Variants in PRDM5 observed in about 807,000 individuals in gnomAD.
The protein encoded by PRDM5 is PR domain zinc finger protein 5.
A neutral mutation model predicts 81.2 loss-of-function variants in PRDM5; 56 were observed. The ratio of observed to expected loss-of-function variants is 0.69; its 90% CI spans 0.56 to 0.86. The LOEUF (loss-of-function observed/expected upper bound fraction) is 0.86, where lower values mean the gene tolerates loss of function less well. Among genes scored for constraint, PRDM5 ranks in the 40% least tolerant of loss-of-function variants. PRDM5 has a pLI of 0.00. For synonymous variants in PRDM5, 267 were observed against 256.4 expected (o/e 1.04, Z -0.39); for missense variants, 697 against 770.1 (o/e 0.91, Z 1.12).
At chr4:120,830,423 T>A (rs1756570470) in intron 3 of PRDM5, among the ~76,000 whole-genome samples, 2 of 152,082 alleles carry the variant, frequency 1.3e-5, no homozygotes. Context: ...AGATGCCATG[T>A]GGAGCCAAGC....
intron 10 of PRDM5, among the ~76,000 whole-genome samples, chr4:120,791,936 C>T (rs1750637875): frequency 6.6e-6 from 1 of 152,164 alleles, no homozygotes; most frequent in African/African-American, 2.4e-5. Flanking sequence ...AGGAAGTGGG[C>T]CCTCACTAGA....
chr4:120,884,537 G>A (rs553509609), intron 2 of PRDM5, among the ~76,000 whole-genome samples: 17 of 152,226 alleles, frequency 1.1e-4, no homozygotes, highest in African/African-American at 3.4e-4. Flanking sequence ...TACAAATATT[G>A]GACTGCTTAC....
intron 14 of PRDM5, among the ~76,000 whole-genome samples, chr4:120,728,636 C>G (rs1739794577): frequency 6.6e-6 from 1 of 152,132 alleles, no homozygotes; most frequent in South Asian, 2.1e-4. Flanking sequence ...CCAATTATTA[C>G]CCTCCACTTT....
chr4:120,750,864 G>A (rs566084789), intron 14 of PRDM5, among the ~76,000 whole-genome samples: 1 of 151,866 alleles, frequency 6.6e-6, no homozygotes, highest in South Asian at 2.1e-4. Flanking sequence ...ACCAAAGAAA[G>A]AATTTAAAAT....
intron 15 of PRDM5, among the ~76,000 whole-genome samples, chr4:120,697,256 T>A (rs13135003): frequency 0.17 from 26,232 of 152,002 alleles, 2,591 homozygotes; most frequent in Non-Finnish European, 0.24. Context: ...AAAATGAGGC[T>A]GATAGAGTGT....
chr4:120,764,200 T>C (rs900632993), intron 13 of PRDM5, among the ~76,000 whole-genome samples: 2 of 152,142 alleles, frequency 1.3e-5, no homozygotes, highest in Non-Finnish European at 2.9e-5. Flanking sequence ...CTAGGCCATA[T>C]CCATTTTTGA....
intron 2 of PRDM5, among the ~76,000 whole-genome samples, chr4:120,855,259 A>G (rs1759745438): frequency 2.0e-5 from 3 of 152,226 alleles, no homozygotes; most frequent in South Asian, 2.1e-4. Flanking sequence ...AGGATCCTCA[A>G]TAATGAATGC....
intron 14 of PRDM5, among the ~76,000 whole-genome samples, chr4:120,750,687 TACACACACACAC>T (rs56024428): frequency 9.5e-5 from 14 of 147,520 alleles, no homozygotes; most frequent in Non-Finnish European, 1.8e-4. Context: ...TAGTTTCTTT[TACACACACACAC>T]ACACACACAC....
At chr4:120,813,845 C>G (rs553130723) in intron 7 of PRDM5, among the ~76,000 whole-genome samples, 1 of 152,280 alleles carries the variant, frequency 6.6e-6, no homozygotes, top group African/African-American at 2.4e-5. Context: ...TGATACTAGG[C>G]CCTACTCCTT....
At chr4:120,767,001 A>G (rs903714295) in intron 13 of PRDM5, among the ~76,000 whole-genome samples, 1 of 152,202 alleles carries the variant, frequency 6.6e-6, no homozygotes, top group African/African-American at 2.4e-5. Context: ...AATGGTGGTA[A>G]TGCGAACAAG....
At chr4:120,741,612 CG>C (rs372591078) in intron 14 of PRDM5, among the ~76,000 whole-genome samples, 2 of 152,132 alleles carry the variant, frequency 1.3e-5, no homozygotes, top group African/African-American at 4.8e-5. Flanking sequence ...TTGCCTCACT[CG>C]GGAAGCACAA....
At chr4:120,898,391 T>C (rs1184186622) in intron 2 of PRDM5, among the ~76,000 whole-genome samples, 2 of 152,226 alleles carry the variant, frequency 1.3e-5, no homozygotes, top group African/African-American at 2.4e-5. Context: ...CTTTTGGGTC[T>C]CCAATATTGT....
At chr4:120,781,659 G>T (rs899837653) in intron 11 of PRDM5, among the ~76,000 whole-genome samples, 3 of 152,186 alleles carry the variant, frequency 2.0e-5, no homozygotes, top group Admixed American at 2.0e-4. Flanking sequence ...AGCAAGGTGA[G>T]TTGCCTTTGG....
rs533927675 is a variant in PRDM5, at chr4:120,758,904, C to T, written c.1538-4266G>A. ...CTAAGTAGCTGGGACTACAGGTGCC[C>T]GCCACCACGCCTGGCTAATTTTTTG... is the stretch of plus-strand genomic sequence containing the variant. On this transcript the variant is annotated intron_variant, in intron 13 of 15. Coordinates refer to ENST00000264808, the MANE Select transcript of PRDM5 (RefSeq NM_018699.4). Among the ~76,000 whole-genome samples, 374 of 152,080 alleles carry T rather than the reference C, an allele frequency of 2.5e-3. 1 individual carries two copies. Among genetic ancestry groups the T allele is most frequent in the Non-Finnish European group, 4.5e-3 (306 of 67,962 alleles).
At chr4:120,813,370 C>T (rs1754097460) in intron 7 of PRDM5, among the ~76,000 whole-genome samples, 1 of 152,168 alleles carries the variant, frequency 6.6e-6, no homozygotes, top group African/African-American at 2.4e-5. Context: ...CAATGACTCA[C>T]CATGACCATT....
chr4:120,796,480 A>G (rs1751369585), intron 10 of PRDM5, among the ~76,000 whole-genome samples: 1 of 152,342 alleles, frequency 6.6e-6, no homozygotes, highest in Non-Finnish European at 1.5e-5. Context: ...AACATGAGCC[A>G]AACTGTGAAA....
In PRDM5 at chr4:120,887,990, C is replaced by T. The variant is rs1278151822; in HGVS notation, c.177+19484G>A. On this transcript the variant is annotated intron_variant, in intron 2 of 15. Transcript: ENST00000264808. ...TGTATTTTTAGTAGAGACGGGGTTT[C>T]ACCGTTTTAGCCGGGATGGTCTCGA... Among the ~76,000 whole-genome samples the T allele has an allele frequency of 3.1e-5, 2 of 65,156 alleles. 1 individual carries two copies. The highest frequency in any genetic ancestry group is 5.5e-5 in the Non-Finnish European group (2 of 36,070). The allele number at this position is 65,156 out of a possible 152,430, so 42.7% of individuals were successfully genotyped here.
At chr4:120,889,524 C>A (rs915163889) in intron 2 of PRDM5, among the ~76,000 whole-genome samples, 6 of 151,554 alleles carry the variant, frequency 4.0e-5, no homozygotes, top group Admixed American at 6.6e-5. Context: ...ACCCTCCTTG[C>A]AAAAAAAATT....
chr4:120,689,080 G>A (rs1267867127), downstream of PRDM5, among the ~76,000 whole-genome samples: 1 of 152,110 alleles, frequency 6.6e-6, no homozygotes, highest in African/African-American at 2.4e-5. Context: ...TGCAACTCGG[G>A]TCAGATCTGT....
Sources: allele counts gnomAD v4.1 joint callset (sites outside exome capture counted in the v4.1 genomes callset), GRCh38; gene constraint gnomAD v4.1.1; transcripts MANE v1.5; gene names NCBI Gene and HGNC (gene_info 2026-07-23, HGNC 2026-07-21).